Variants in TYR observed in about 807,000 individuals in gnomAD.
The protein encoded by TYR is LB24-AB.
Under a neutral mutation model 51.5 loss-of-function variants are expected in TYR, and 58 were observed. The observed-to-expected ratio is 1.13, with a 90% CI of 0.91 to 1.40. The LOEUF is 1.40. TYR is among the 40% of genes most tolerant of loss of function. TYR has a pLI of 0.00. For missense variants in TYR, 732 were observed against 647.4 expected (o/e 1.13, Z -1.42); for synonymous variants, 263 against 235.2 (o/e 1.12, Z -1.08).
rs1418209050 is a variant in TYR at position 89,231,599 on chromosome 11, C to A, written c.1184+3629C>A. ...GTGGAGTCAAAAGAAAATTTAAACT[C>A]CTAGAATTAGAGAGTAGAGGATGGT... On this transcript the variant is annotated intron_variant, in intron 3 of 4. Transcript: ENST00000263321. Among the ~76,000 whole-genome samples, 2 of 142,560 alleles carry A rather than the reference C, an allele frequency of 1.4e-5. 1 individual carries two copies. Among genetic ancestry groups the A allele is most frequent in the African/African-American group, 5.6e-5 (2 of 35,838 alleles). The allele number at this position is 142,560 out of a possible 152,430, so 93.5% of individuals were successfully genotyped here.
At chr11:89,222,349 G>A (rs1041754517) in intron 2 of TYR, among the ~76,000 whole-genome samples, 1 of 152,134 alleles carries the variant, frequency 6.6e-6, no homozygotes, top group Non-Finnish European at 1.5e-5. Context: ...CTCTAGGTAT[G>A]AGAGCTAAGC....
intron 3 of TYR, among the ~76,000 whole-genome samples, chr11:89,254,242 C>T (rs1321567612): frequency 6.6e-6 from 1 of 151,406 alleles, no homozygotes; most frequent in African/African-American, 2.4e-5. Flanking sequence ...TTTTGTTAAG[C>T]ATTTTTGTAT....
At chr11:89,198,449 C>T (rs1410622305) in intron 2 of TYR, among the ~76,000 whole-genome samples, 1 of 152,006 alleles carries the variant, frequency 6.6e-6, no homozygotes, top group African/African-American at 2.4e-5. Flanking sequence ...AGATGATTGC[C>T]AGACCAGGAA....
intron 3 of TYR, among the ~76,000 whole-genome samples, chr11:89,273,431 C>T (rs1944614076): frequency 6.6e-6 from 1 of 151,826 alleles, no homozygotes; most frequent in African/African-American, 2.4e-5. Context: ...ATACACAAAA[C>T]TTCACCATCT....
At chr11:89,201,166 T>C (rs7105390) in intron 2 of TYR, among the ~76,000 whole-genome samples, 27,764 of 152,086 alleles carry the variant, frequency 0.18, 3,440 homozygotes, top group African/African-American at 0.35. Context: ...ATAATGATGT[T>C]ATCAATTTTT....
intron 1 of TYR, among the ~76,000 whole-genome samples, chr11:89,181,593 C>T (rs994368567): frequency 3.3e-5 from 5 of 152,078 alleles, no homozygotes; most frequent in East Asian, 1.9e-4. Flanking sequence ...CACATAAAGC[C>T]TTCTTTTTTT....
In TYR at chr11:89,178,001, C is replaced by T. The variant is rs148710429; in HGVS notation, c.48C>T (p.Ser16=). 86 of 1,614,132 alleles carry T rather than the reference C, an allele frequency of 5.3e-5. No homozygotes were observed. In the East Asian group the frequency reaches 9.8e-4, roughly 18 times the overall value. ...GCCTGCTGTGGAGTTTCCAGACCTCCGCTGGCCATTTCCCTAGAGCCTGTG... is the reference window on the plus strand; with the variant it reads ...GCCTGCTGTGGAGTTTCCAGACCTCTGCTGGCCATTTCCCTAGAGCCTGTG... ...LYCLLWSFQT[S]AGHFPRACVS... The change falls in exon 1 of 5, where the codon TCC becomes TCT. Residue 16 remains serine, a synonymous_variant. Coordinates refer to ENST00000263321, the MANE Select transcript of TYR (RefSeq NM_000372.5).
intron 2 of TYR, among the ~76,000 whole-genome samples, chr11:89,226,889 C>T (rs1001984192): frequency 5.3e-5 from 8 of 152,040 alleles, no homozygotes; most frequent in African/African-American, 1.4e-4. Flanking sequence ...ATTTTGTTAT[C>T]CAAACTTCTT....
chr11:89,261,733 C>G (rs1944458360), intron 3 of TYR, among the ~76,000 whole-genome samples: 1 of 151,980 alleles, frequency 6.6e-6, no homozygotes, highest in South Asian at 2.1e-4. Flanking sequence ...ACACTCTACC[C>G]AACAACAGAA....
intron 3 of TYR, among the ~76,000 whole-genome samples, chr11:89,246,372 T>C (rs1214922617): frequency 6.6e-6 from 1 of 152,186 alleles, no homozygotes; most frequent in Non-Finnish European, 1.5e-5. Context: ...CATAAGAACC[T>C]GAGTTCATAC....
chr11:89,289,610 G>A (rs777811804), intron 4 of TYR, among the ~76,000 whole-genome samples: 16 of 151,956 alleles, frequency 1.1e-4, no homozygotes, highest in African/African-American at 1.7e-4. Flanking sequence ...CCAACTCCCC[G>A]CCTACAGGTA....
At chr11:89,205,577 G>C (rs1004529645) in intron 2 of TYR, among the ~76,000 whole-genome samples, 2 of 152,078 alleles carry the variant, frequency 1.3e-5, no homozygotes, top group African/African-American at 4.8e-5. Context: ...GCCAGAAGGT[G>C]GCACTGCATT....
chr11:89,273,449 A>T (rs201426428), intron 3 of TYR, among the ~76,000 whole-genome samples: 168 of 151,986 alleles, frequency 1.1e-3, no homozygotes, highest in South Asian at 2.5e-3. Flanking sequence ...TCTTATATGG[A>T]TGTGGTTTGT....
At chr11:89,254,914 T>C (rs1944371991) in intron 3 of TYR, among the ~76,000 whole-genome samples, 1 of 151,744 alleles carries the variant, frequency 6.6e-6, no homozygotes, top group Non-Finnish European at 1.5e-5. Context: ...CCTTAGATTG[T>C]CTATTTGTGC....
chr11:89,253,462 T>A (rs531073217), intron 3 of TYR, among the ~76,000 whole-genome samples: 67 of 151,922 alleles, frequency 4.4e-4, no homozygotes, highest in African/African-American at 1.5e-3. Flanking sequence ...ATGGAATGTG[T>A]TTCCATTTGT....
At chr11:89,191,443 AT>A (rs13312742) in intron 2 of TYR, 25 bp downstream of exon 2, 21 of 1,603,232 alleles carry the variant, frequency 1.3e-5, no homozygotes, top group South Asian at 4.4e-5. Flanking sequence ...TTCACTTTTA[AT>A]TTTTTTTCTG....
At chr11:89,277,822 C>G (rs1293878500) in intron 3 of TYR, among the ~76,000 whole-genome samples, 1 of 151,604 alleles carries the variant, frequency 6.6e-6, no homozygotes, top group Non-Finnish European at 1.5e-5. Context: ...TTCTTTATCC[C>G]CCTGATGCGT....
In TYR at chr11:89,191,270, T is replaced by C. The variant is rs781601937; in HGVS notation, c.888T>C (p.Pro296=). ...TATGCAATGGAACGCCCGAGGGACC[T>C]TTACGGCGTAATCCTGGAAACCATG... ...QSLCNGTPEG[P]LRRNPGNHDK... The change falls in exon 2 of 5, where the codon CCT becomes CCC. Residue 296 remains proline (P), a synonymous_variant. Coordinates refer to ENST00000263321, the MANE Select transcript of TYR (RefSeq NM_000372.5). The C allele has an allele frequency of 3.7e-6, 6 of 1,613,648 alleles. No individual in the cohort carries two copies. The highest frequency in any genetic ancestry group is 1.7e-5 in the Admixed American group (1 of 59,928).
intron 3 of TYR, chr11:89,283,914 C>T (rs1944750043): frequency 6.6e-6 from 1 of 151,776 alleles, no homozygotes; most frequent in Non-Finnish European, 1.5e-5. Context: ...TACTGAGTAG[C>T]TCACAAAATC....
Sources: allele counts gnomAD v4.1 joint callset (sites outside exome capture counted in the v4.1 genomes callset), GRCh38; gene constraint gnomAD v4.1.1; transcripts MANE v1.5; gene names NCBI Gene and HGNC (gene_info 2026-07-23, HGNC 2026-07-21).